CAMTA1: variants seen among roughly 807,000 people sequenced by gnomAD.
CAMTA1 encodes calmodulin binding transcription activator 1, also known as calmodulin-binding transcription activator 1.
CAMTA1 carries 27 observed loss-of-function variants against 170.9 expected under a neutral mutation model. The observed-to-expected ratio is 0.16, with a 90% CI of 0.12 to 0.22. The LOEUF (loss-of-function observed/expected upper bound fraction) is 0.22. Among genes scored for constraint, CAMTA1 ranks in the 10% least tolerant of loss-of-function variants. The pLI is 1.00. For synonymous variants in CAMTA1, 833 were observed against 891.5 expected (o/e 0.93, Z 1.17); for missense variants, 1,619 against 2,217.2 (o/e 0.73, Z 5.42).
At chr1:6,857,829 GA>G (rs942233390) in intron 3 of CAMTA1, among the ~76,000 whole-genome samples, 2 of 150,994 alleles carry the variant, frequency 1.3e-5, no homozygotes, top group East Asian at 3.9e-4. Flanking sequence ...ACTGTAAAAA[GA>G]AAAAAAAAGC....
At chr1:7,111,810 G>A (rs1031889213) in intron 4 of CAMTA1, among the ~76,000 whole-genome samples, 3 of 151,240 alleles carry the variant, frequency 2.0e-5, no homozygotes, top group Admixed American at 6.6e-5. Context: ...ACTTGAACCC[G>A]GGAGGTGCAG....
intron 5 of CAMTA1, among the ~76,000 whole-genome samples, chr1:7,253,229 C>T (rs1051289859): frequency 6.6e-6 from 1 of 152,168 alleles, no homozygotes; most frequent in Non-Finnish European, 1.5e-5. Flanking sequence ...GAGTGGGAGA[C>T]TCTCAGAGAG....
At chr1:7,132,871 T>C (rs1252443339) in intron 4 of CAMTA1, among the ~76,000 whole-genome samples, 1 of 152,228 alleles carries the variant, frequency 6.6e-6, no homozygotes, top group Non-Finnish European at 1.5e-5. Context: ...CGTGATCATA[T>C]GATTTTTGTC....
At chr1:6,940,299 C>T (rs1045949141) in intron 3 of CAMTA1, among the ~76,000 whole-genome samples, 2 of 152,220 alleles carry the variant, frequency 1.3e-5, no homozygotes, top group African/African-American at 2.4e-5. Context: ...CACAGGAACA[C>T]CACTGGTGTA....
intron 4 of CAMTA1, among the ~76,000 whole-genome samples, chr1:7,204,011 G>A (rs1470365217): frequency 6.7e-6 from 1 of 150,248 alleles, no homozygotes; most frequent in Non-Finnish European, 1.5e-5. Flanking sequence ...TTTTTTTTTG[G>A]TATTTTTTAG....
At chr1:7,703,994 C>CT (rs1429162082) in intron 11 of CAMTA1, among the ~76,000 whole-genome samples, 3 of 152,010 alleles carry the variant, frequency 2.0e-5, no homozygotes, top group African/African-American at 7.2e-5. Context: ...AGCGCCGCAC[C>CT]CCCTCCCCAA....
At chr1:7,655,921 A>C (rs1413744936) in intron 7 of CAMTA1, among the ~76,000 whole-genome samples, 1 of 152,128 alleles carries the variant, frequency 6.6e-6, no homozygotes, top group East Asian at 1.9e-4. Flanking sequence ...TTTCCTCCGA[A>C]ACTCATGTTG....
chr1:6,920,323 T>C (rs1471920328), intron 3 of CAMTA1, among the ~76,000 whole-genome samples: 1 of 152,246 alleles, frequency 6.6e-6, no homozygotes, highest in Admixed American at 6.5e-5. Context: ...ATGTCTTGTG[T>C]CTGGGTCACG....
At chr1:7,367,299 G>A (rs61772161) in intron 5 of CAMTA1, among the ~76,000 whole-genome samples, 242 of 152,344 alleles carry the variant, frequency 1.6e-3, no homozygotes, top group Non-Finnish European at 3.1e-3. Context: ...CAGGTAAAAC[G>A]AAAGAGCTAT....
rs530233726 is a variant in CAMTA1, at chr1:7,458,267, C to T, written c.439-9563C>T. Among the ~76,000 whole-genome samples, 3 of 152,228 alleles carry T rather than the reference C, an allele frequency of 2.0e-5. No individual in the cohort carries two copies. The South Asian group carries it at 6.2e-4, about 32-fold the overall frequency. Reference sequence around the variant, plus strand: ...CGGGGTTAACTCCTGCAGGCTTTGCCGGCCAGGGGACTGGAGTTCAGATTC... The same window carrying T: ...CGGGGTTAACTCCTGCAGGCTTTGCTGGCCAGGGGACTGGAGTTCAGATTC... On this transcript the variant is annotated intron_variant, in intron 5 of 22. Coordinates refer to ENST00000303635, the MANE Select transcript of CAMTA1 (RefSeq NM_015215.4).
At chr1:6,983,953 TG>T (rs1249619069) in intron 3 of CAMTA1, among the ~76,000 whole-genome samples, 1 of 133,068 alleles carries the variant, frequency 7.5e-6, no homozygotes, top group Non-Finnish European at 1.6e-5. Flanking sequence ...GATCGAGGGT[TG>T]GGGGTGGATA....
intron 6 of CAMTA1, among the ~76,000 whole-genome samples, chr1:7,504,693 A>G (rs778779135): frequency 2.6e-5 from 4 of 152,262 alleles, no homozygotes; most frequent in Non-Finnish European, 5.9e-5. Flanking sequence ...AGAACATTCT[A>G]GAGCAGTGGT....
At chr1:7,432,018 C>A (rs1169990850) in intron 5 of CAMTA1, among the ~76,000 whole-genome samples, 2 of 152,204 alleles carry the variant, frequency 1.3e-5, no homozygotes, top group East Asian at 1.9e-4. Flanking sequence ...GCAGAGGCAA[C>A]CCTGGTCCCC....
At chr1:7,049,135 G>T (rs1343765861) in intron 3 of CAMTA1, among the ~76,000 whole-genome samples, 1 of 152,202 alleles carries the variant, frequency 6.6e-6, no homozygotes, top group Non-Finnish European at 1.5e-5. Flanking sequence ...AGCTCAGCTT[G>T]TTTCAAGTCT....
intron 19 of CAMTA1, among the ~76,000 whole-genome samples, chr1:7,749,403 G>A (rs2096879776): frequency 6.6e-6 from 1 of 152,176 alleles, no homozygotes; most frequent in Admixed American, 6.5e-5. Flanking sequence ...CACAGTGCCT[G>A]TAGCTCTATA....
chr1:7,055,656 T>A (rs1288901478), intron 3 of CAMTA1, among the ~76,000 whole-genome samples: 1 of 152,234 alleles, frequency 6.6e-6, no homozygotes, highest in Non-Finnish European at 1.5e-5. Flanking sequence ...CTGAGTGTCC[T>A]GTGATACCTT....
In CAMTA1 at chr1:7,219,820, G is replaced by T. The variant is rs188591681; in HGVS notation, c.303-29671G>T. On this transcript the variant is annotated intron_variant, in intron 4 of 22. Transcript: ENST00000303635. Reference sequence around the variant, plus strand: ...GGCAGCTGAGGCAGGAGGATTGCTTGAAGTCAGGAGTTTGAGACCAGCCTG... The same window carrying T: ...GGCAGCTGAGGCAGGAGGATTGCTTTAAGTCAGGAGTTTGAGACCAGCCTG... Among the ~76,000 whole-genome samples the T allele has an allele frequency of 1.3e-4, 20 of 152,258 alleles. No individual in the cohort carries two copies. The East Asian group carries it at 3.1e-3, about 24-fold the overall frequency.
At chr1:7,190,518 G>A (rs572631386) in intron 4 of CAMTA1, among the ~76,000 whole-genome samples, 1 of 152,246 alleles carries the variant, frequency 6.6e-6, no homozygotes, top group Middle Eastern at 3.4e-3. Flanking sequence ...TGGAAAAATA[G>A]GCAGAGTTAG....
chr1:7,284,124 CTGTTCTTCT>C (rs2149469219), intron 5 of CAMTA1, among the ~76,000 whole-genome samples: 1 of 136,852 alleles, frequency 7.3e-6, no homozygotes, highest in African/African-American at 2.7e-5. Flanking sequence ...GTATTTGCTG[CTGTTCTTCT>C]TCTTCTTCTT....
Sources: gnomAD v4.1 joint callset for allele counts (sites outside exome capture counted in the v4.1 genomes callset) on GRCh38, gnomAD v4.1.1 for gene constraint, MANE v1.5 for transcripts, NCBI Gene and HGNC (gene_info 2026-07-23, HGNC 2026-07-21) for gene names.